SLC9C1: variants seen among roughly 807,000 people sequenced by gnomAD.
The protein encoded by SLC9C1 is solute carrier family 9 member C1, also known as sodium/hydrogen exchanger 10.
SLC9C1 carries 97 observed loss-of-function variants against 140.9 expected under a neutral mutation model. That is an observed-to-expected ratio of 0.69 (90% confidence interval 0.58 to 0.82). The LOEUF (loss-of-function observed/expected upper bound fraction) is 0.82, where lower values mean the gene tolerates loss of function less well. SLC9C1 is among the 40% of genes least tolerant of loss of function. SLC9C1 has a pLI of 0.00. For synonymous variants in SLC9C1, 440 were observed against 442.6 expected (o/e 0.99, Z 0.07); for missense variants, 1,340 against 1,389.3 (o/e 0.96, Z 0.56).
intron 1 of SLC9C1, among the ~76,000 whole-genome samples, chr3:112,289,652 C>T (rs1246718881): frequency 1.3e-5 from 2 of 152,152 alleles, no homozygotes; most frequent in East Asian, 1.9e-4. Context: ...AGCCTAAGGC[C>T]AGCCTGGAGC....
intron 26 of SLC9C1, among the ~76,000 whole-genome samples, chr3:112,158,291 C>T (rs567221733): frequency 6.8e-4 from 104 of 151,996 alleles, no homozygotes; most frequent in African/African-American, 2.4e-3. Context: ...GGGTTTTCAT[C>T]CTTGATTCTG....
rs112198679 is a variant in SLC9C1, at chr3:112,269,974, A to C, written c.717T>G (p.Gly239=). 1 of 1,601,082 alleles carries C rather than the reference A, an allele frequency of 6.2e-7. No homozygotes were observed. Among genetic ancestry groups the C allele is most frequent in the Admixed American group, 1.7e-5 (1 of 57,698 alleles). The change falls in exon 7 of 29, where the codon GGT becomes GGG. Residue 239 remains glycine (G), a synonymous_variant. Transcript: ENST00000305815. ...LIQFWMSTVF[G]DDVNHISLIF... Reference sequence around the variant, plus strand: ...TGAGACTTATATGATTGACATCATCACCAAAAACAGTTGACATCCAAAATT... The same window carrying C: ...TGAGACTTATATGATTGACATCATCCCCAAAAACAGTTGACATCCAAAATT...
intron 10 of SLC9C1, among the ~76,000 whole-genome samples, chr3:112,253,299 C>T (rs370579053): frequency 5.9e-5 from 9 of 152,268 alleles, no homozygotes; most frequent in African/African-American, 2.2e-4. Flanking sequence ...CACACAAGAG[C>T]TGTGGTAGGC....
rs748696000 is a variant in SLC9C1, at chr3:112,155,000, C to T, written c.3414G>A (p.Lys1138=). The change falls in exon 27 of 29, where the codon AAG becomes AAA. Residue 1138 remains lysine (K), a synonymous_variant. Coordinates refer to ENST00000305815, the MANE Select transcript of SLC9C1 (RefSeq NM_183061.3). Reference sequence around the variant, plus strand: ...AGAAAGGCTGCTTTAAATTTACCTCCTTAACATTTCTTTCTTCTTGAATGC... The same window carrying T: ...AGAAAGGCTGCTTTAAATTTACCTCTTTAACATTTCTTTCTTCTTGAATGC... ...EEGIQEERNV[K]EDGAHSAATA... is the part of the protein sequence containing the mutation. 7.5e-6 allele frequency: 12 copies of T among 1,610,620 alleles called. No homozygotes were observed. The highest frequency in any genetic ancestry group is 3.4e-5 in the Admixed American group (2 of 59,600).
chr3:112,254,921 G>A (rs1184659753), intron 10 of SLC9C1, among the ~76,000 whole-genome samples: 2 of 151,818 alleles, frequency 1.3e-5, no homozygotes, highest in Admixed American at 6.6e-5. Flanking sequence ...AAAAAAAGCA[G>A]GAGTTAAACA....
At chr3:112,185,701 A>G in intron 20 of SLC9C1, 1 of 1,544,482 alleles carries the variant, frequency 6.5e-7, no homozygotes. Flanking sequence ...TCGTGCCACC[A>G]CTTGAGCTCC....
chr3:112,216,693 AGT>A (rs2078381408), intron 15 of SLC9C1, among the ~76,000 whole-genome samples: 1 of 152,240 alleles, frequency 6.6e-6, no homozygotes, highest in African/African-American at 2.4e-5. Flanking sequence ...CAATCATTAA[AGT>A]CAGGAAACAA....
intron 6 of SLC9C1, 56 bp downstream of exon 6, chr3:112,274,840 GC>G (rs2080169647): frequency 5.1e-6 from 7 of 1,370,654 alleles, no homozygotes; most frequent in Non-Finnish European, 9.7e-7. Context: ...ATACACATCA[GC>G]TTTCAGAAAA....
intron 26 of SLC9C1, among the ~76,000 whole-genome samples, chr3:112,163,779 C>G (rs202236063): frequency 1.3e-5 from 2 of 152,222 alleles, no homozygotes; most frequent in East Asian, 3.9e-4. Flanking sequence ...CTGTAGATGT[C>G]TATTAGGTCC....
At chr3:112,243,079 G>A (rs746039367) in intron 11 of SLC9C1, among the ~76,000 whole-genome samples, 1 of 152,170 alleles carries the variant, frequency 6.6e-6, no homozygotes, top group Non-Finnish European at 1.5e-5. Flanking sequence ...AAAGGAGAAT[G>A]TAAATTAGTT....
intron 6 of SLC9C1, among the ~76,000 whole-genome samples, chr3:112,271,023 G>C (rs1432360667): frequency 6.6e-6 from 1 of 152,144 alleles, no homozygotes; most frequent in Non-Finnish European, 1.5e-5. Context: ...TTTACAACAA[G>C]ATGGATGAAC....
chr3:112,219,986 C>T (rs1022357515), intron 14 of SLC9C1, among the ~76,000 whole-genome samples: 2 of 152,090 alleles, frequency 1.3e-5, no homozygotes, highest in African/African-American at 2.4e-5. Context: ...TTAAAATATG[C>T]ACGGTATTGT....
At chr3:112,252,841 C>T (rs1422178661) in intron 10 of SLC9C1, among the ~76,000 whole-genome samples, 1 of 152,074 alleles carries the variant, frequency 6.6e-6, no homozygotes, top group Non-Finnish European at 1.5e-5. Context: ...CATTCCTCCA[C>T]AGTAGGCGAG....
intron 15 of SLC9C1, among the ~76,000 whole-genome samples, chr3:112,208,710 T>C (rs1361317273): frequency 6.6e-6 from 1 of 152,216 alleles, no homozygotes; most frequent in Admixed American, 6.5e-5. Context: ...GAGAATACTT[T>C]CTAGCTTTTG....
intron 10 of SLC9C1, among the ~76,000 whole-genome samples, chr3:112,256,659 G>A (rs1194671322): frequency 1.3e-5 from 2 of 152,122 alleles, no homozygotes; most frequent in Non-Finnish European, 2.9e-5. Context: ...ACTGGCACAA[G>A]ACAAGGATGC....
chr3:112,285,787 G>A (rs191880113), intron 2 of SLC9C1, among the ~76,000 whole-genome samples: 24 of 151,900 alleles, frequency 1.6e-4, no homozygotes, highest in Admixed American at 1.4e-3. Context: ...TTTTCTTTGA[G>A]ATAGGATCTA....
chr3:112,215,752 A>T (rs2078345526), intron 15 of SLC9C1, among the ~76,000 whole-genome samples: 1 of 152,244 alleles, frequency 6.6e-6, no homozygotes, highest in Admixed American at 6.5e-5. Context: ...GGTAGGAAGA[A>T]TCAATATTGT....
At chr3:112,181,442 AT>A (rs1445402158) in intron 21 of SLC9C1, among the ~76,000 whole-genome samples, 3 of 152,236 alleles carry the variant, frequency 2.0e-5, no homozygotes, top group African/African-American at 7.2e-5. Flanking sequence ...TCAAATAGAT[AT>A]TTAAAAAAAG....
chr3:112,218,283 A>G (rs2078442618), intron 14 of SLC9C1, among the ~76,000 whole-genome samples: 1 of 151,608 alleles, frequency 6.6e-6, no homozygotes, highest in African/African-American at 2.4e-5. Flanking sequence ...CTGACCAGAT[A>G]CTTTCATCGT....
Sources: gnomAD v4.1 joint callset for allele counts (sites outside exome capture counted in the v4.1 genomes callset) on GRCh38, gnomAD v4.1.1 for gene constraint, MANE v1.5 for transcripts, NCBI Gene and HGNC (gene_info 2026-07-23, HGNC 2026-07-21) for gene names.